The following GSDME variants were observed in gnomAD, a reference collection of about 807,000 sequenced individuals.
GSDME encodes the protein gasdermin-E.
GSDME carries 44 observed loss-of-function variants against 47.5 expected under a neutral mutation model. The observed-to-expected ratio is 0.93, with a 90% CI of 0.73 to 1.19. The LOEUF (loss-of-function observed/expected upper bound fraction) is 1.19, where lower values mean the gene tolerates loss of function less well. Among genes scored for constraint, GSDME ranks in the 50% most tolerant of loss-of-function variants. The probability of loss-of-function intolerance (pLI) is 0.00; values close to 1 mark genes in which losing one functional copy is unlikely to be tolerated. For missense variants in GSDME, 663 were observed against 604.2 expected (o/e 1.10, Z -1.02); for synonymous variants, 258 against 252.8 (o/e 1.02, Z -0.20).
chr7:24,784,560 A>G, the GSDME span, among the ~76,000 whole-genome samples: 3 of 151,304 alleles, frequency 2.0e-5, no homozygotes. Context: ...AGAGAGAAAG[A>G]TGAGAGTGGG....
At chr7:24,794,265 T>TTGACTTC in the GSDME span, among the ~76,000 whole-genome samples, 1 of 146,500 alleles carries the variant, frequency 6.8e-6, no homozygotes, top group Non-Finnish European at 1.5e-5. Flanking sequence ...CCTCTTTTCT[T>TTGACTTC]CTCTCTCTCT....
intron 9 of GSDME, among the ~76,000 whole-genome samples, chr7:24,701,086 A>AAGTT: frequency 6.6e-6 from 1 of 152,288 alleles, no homozygotes; most frequent in East Asian, 1.9e-4. Flanking sequence ...AAGCCTCTCA[A>AAGTT]AGTTACCCTG....
intron 7 of GSDME, chr7:24,707,580 T>A (rs1461228310): frequency 2.7e-6 from 1 of 364,302 alleles, no homozygotes; most frequent in African/African-American, 2.1e-5. Flanking sequence ...ACCTTAGTCT[T>A]TGCAGATGTA....
chr7:24,701,440 G>C (rs1788864097), intron 9 of GSDME, among the ~76,000 whole-genome samples: 1 of 152,176 alleles, frequency 6.6e-6, no homozygotes, highest in African/African-American at 2.4e-5. Context: ...CAGGGAGGAG[G>C]ACAGCTAAGT....
rs1790945743 is a variant in GSDME, at chr7:24,754,235, C to T, written c.-20+3161G>A. Reference sequence around the variant, plus strand: ...GGCCTGGTGGCTCATGCCTGTAATCCCAGCACTTTGGGAGGCCGAGGTGGG... The same window carrying T: ...GGCCTGGTGGCTCATGCCTGTAATCTCAGCACTTTGGGAGGCCGAGGTGGG... On this transcript the variant is annotated intron_variant, in intron 1 of 9. Coordinates refer to ENST00000645220, the MANE Select transcript of GSDME (RefSeq NM_001127453.2). This position sits in a 1 kb window ranked among gnomAD's most constrained non-coding sequence, Gnocchi z 5.0. Among the ~76,000 whole-genome samples the T allele has an allele frequency of 6.6e-6, 1 of 152,100 alleles. No homozygotes were observed. The highest frequency in any genetic ancestry group is 6.5e-5 in the Admixed American group (1 of 15,280).
chr7:24,727,332 A>C (rs1289616627), intron 3 of GSDME, among the ~76,000 whole-genome samples: 1 of 152,242 alleles, frequency 6.6e-6, no homozygotes, highest in Non-Finnish European at 1.5e-5. Context: ...ACAAAAAGTG[A>C]AAGGTACAAA....
At chr7:24,708,358 T>C in intron 6 of GSDME, 104 bp from the exon 7 acceptor site, 1 of 1,358,738 alleles carries the variant, frequency 7.4e-7, no homozygotes, top group Non-Finnish European at 1.0e-6. Context: ...AGTTCTTTCA[T>C]GGATATTCCC....
chr7:24,776,053 G>A, the GSDME span, among the ~76,000 whole-genome samples: 1 of 151,714 alleles, frequency 6.6e-6, no homozygotes, highest in African/African-American at 2.4e-5. Context: ...GGTAGCGGGA[G>A]CCTGTAATCC....
Position 24,710,407 on chromosome 7 carries a change from G to A in GSDME, c.698-19C>T. 1 of 1,614,056 alleles carries A rather than the reference G, an allele frequency of 6.2e-7. No individual in the cohort carries two copies. Among genetic ancestry groups the A allele is most frequent in the Non-Finnish European group, 8.5e-7 (1 of 1,179,914 alleles). ...CAGAACTCTGTAGTGCAGGAGAAAA[G>A]GACAAGTTAGGTAAAGTTGAGTCTA... On this transcript the variant is annotated intron_variant, in intron 5 of 9. Coordinates refer to ENST00000645220, the MANE Select transcript of GSDME (RefSeq NM_001127453.2).
chr7:24,758,067 C>G (rs546553133), upstream of GSDME: 2 of 152,444 alleles, frequency 1.3e-5, no homozygotes, highest in African/African-American at 4.8e-5. The surrounding 1 kb of genome is among the most constrained non-coding windows in gnomAD (Gnocchi z 4.6). Context: ...TCAACGAATA[C>G]TGAACGAGGG....
chr7:24,785,208 T>A, the GSDME span, among the ~76,000 whole-genome samples: 1 of 152,146 alleles, frequency 6.6e-6, no homozygotes, highest in African/African-American at 2.4e-5. Context: ...ACAGCAGAGT[T>A]CAGTGTAACA....
At chr7:24,755,005 T>C (rs1790969999) in intron 1 of GSDME, among the ~76,000 whole-genome samples, 1 of 152,206 alleles carries the variant, frequency 6.6e-6, no homozygotes, top group Admixed American at 6.5e-5. Flanking sequence ...TTATACACAT[T>C]TCCTTATTTA....
At chr7:24,768,478 G>A in the GSDME span, among the ~76,000 whole-genome samples, 2 of 152,138 alleles carry the variant, frequency 1.3e-5, no homozygotes, top group East Asian at 1.9e-4. This position sits in a 1 kb window ranked among gnomAD's most constrained non-coding sequence, Gnocchi z 5.6. Flanking sequence ...TATCTACACC[G>A]TTTTCCCCCT....
intron 8 of GSDME, chr7:24,704,373 C>A (rs559212588): frequency 1.2e-4 from 19 of 152,266 alleles, no homozygotes; most frequent in African/African-American, 4.6e-4. Flanking sequence ...AGCTATTAGC[C>A]AGAAACTGGT....
At chr7:24,717,864 G>C (rs147634771) in intron 4 of GSDME, among the ~76,000 whole-genome samples, 1 of 152,188 alleles carries the variant, frequency 6.6e-6, no homozygotes, top group Non-Finnish European at 1.5e-5. Context: ...GGAAGAGGCC[G>C]GAGGGAGGAG....
chr7:24,750,376 G>A (rs1790816540), intron 1 of GSDME, among the ~76,000 whole-genome samples: 1 of 152,224 alleles, frequency 6.6e-6, no homozygotes, highest in Admixed American at 6.5e-5. Context: ...CAGCATTTTG[G>A]GAGGCCAAGG....
At chr7:24,707,355 C>T (rs1267574905) in intron 7 of GSDME, 1 of 471,342 alleles carries the variant, frequency 2.1e-6, no homozygotes, top group South Asian at 1.5e-5. Flanking sequence ...GGAGGGTTGG[C>T]AGCTTGTGTG....
chr7:24,782,315 T>C, the GSDME span, among the ~76,000 whole-genome samples: 13 of 149,026 alleles, frequency 8.7e-5, no homozygotes, highest in African/African-American at 3.0e-4. Context: ...GAACATGCAG[T>C]GTTTGGTTTT....
chr7:24,708,768 C>T (rs1467717224), intron 6 of GSDME, among the ~76,000 whole-genome samples: 2 of 152,246 alleles, frequency 1.3e-5, no homozygotes, highest in African/African-American at 4.8e-5. Context: ...TCATGGCAAG[C>T]ACAGCTATTC....
Sources: gnomAD v4.1 joint callset for allele counts (sites outside exome capture counted in the v4.1 genomes callset) on GRCh38, gnomAD v4.1.1 for gene constraint, Gnocchi (gnomAD v3.1) non-coding constraint, MANE v1.5 for transcripts, NCBI Gene and HGNC (gene_info 2026-07-23, HGNC 2026-07-21) for gene names.